The following GLIS3 variants were observed in gnomAD, a reference collection of about 807,000 sequenced individuals.
The protein encoded by GLIS3 is GLIS family zinc finger 3, also known as zinc finger protein GLIS3.
In GLIS3, 53 loss-of-function variants were observed where a neutral mutation model predicts 78.6. The observed-to-expected ratio is 0.67, with a 90% CI of 0.54 to 0.85. The LOEUF (loss-of-function observed/expected upper bound fraction) is 0.85, where lower values mean the gene tolerates loss of function less well. GLIS3 is among the 40% of genes least tolerant of loss of function. GLIS3 has a pLI of 0.00. For synonymous variants in GLIS3, 684 were observed against 509.9 expected, an observed-to-expected ratio of 1.34 and a Z score of -4.60; for missense variants, 1,703 against 1,231.1, an observed-to-expected ratio of 1.38 and a Z score of -5.74.
At chr9:3,979,122 C>G (rs1167558053) in intron 4 of GLIS3, among the ~76,000 whole-genome samples, 1 of 152,120 alleles carries the variant, frequency 6.6e-6, no homozygotes, top group Non-Finnish European at 1.5e-5. Context: ...TATCACTGTT[C>G]TAATGGGTAG....
chr9:4,330,313 G>A (rs748329819), intron 2 of GLIS3, among the ~76,000 whole-genome samples: 5 of 152,238 alleles, frequency 3.3e-5, no homozygotes, highest in East Asian at 3.8e-4. Context: ...ACAGATTGCT[G>A]GTACCCATCC....
At chr9:4,302,116 C>G (rs1452821942), upstream of GLIS3, among the ~76,000 whole-genome samples, 2 of 151,950 alleles carry the variant, frequency 1.3e-5, no homozygotes, top group African/African-American at 4.8e-5. Flanking sequence ...AGATCTGTAC[C>G]TCTTCTGGGC....
At chr9:4,028,019 G>C (rs1353359568) in intron 4 of GLIS3, among the ~76,000 whole-genome samples, 1 of 152,060 alleles carries the variant, frequency 6.6e-6, no homozygotes, top group Non-Finnish European at 1.5e-5. Flanking sequence ...CCAAACCAGC[G>C]CAACCCGGAT....
the GLIS3 span, among the ~76,000 whole-genome samples, chr9:4,401,541 G>A: frequency 2.7e-5 from 4 of 150,890 alleles, no homozygotes; most frequent in Non-Finnish European, 2.9e-5. Flanking sequence ...TTGAATTACC[G>A]GTGTGAGCCA....
intron 4 of GLIS3, among the ~76,000 whole-genome samples, chr9:4,026,668 C>G (rs1021033220): frequency 6.6e-6 from 1 of 152,154 alleles, no homozygotes; most frequent in African/African-American, 2.4e-5. Context: ...CTAAACCTAA[C>G]TAGTAGATAT....
At chr9:3,963,718 T>A (rs557864791) in intron 4 of GLIS3, among the ~76,000 whole-genome samples, 270 of 152,266 alleles carry the variant, frequency 1.8e-3, no homozygotes, top group Non-Finnish European at 2.6e-3. Flanking sequence ...AAGCACAGAT[T>A]GGGTTCATTG....
intron 7 of GLIS3, among the ~76,000 whole-genome samples, chr9:3,896,563 G>A (rs1370825142): frequency 2.7e-5 from 4 of 149,484 alleles, no homozygotes; most frequent in Non-Finnish European, 5.9e-5. Context: ...CTGCTAGGGA[G>A]GCTGAGGCAG....
At chr9:3,831,784 G>A (rs2129965996) in intron 9 of GLIS3, among the ~76,000 whole-genome samples, 1 of 152,186 alleles carries the variant, frequency 6.6e-6, no homozygotes, top group African/African-American at 2.4e-5. Context: ...TTTTAAATAG[G>A]TATTAAAACA....
At chr9:4,073,247 T>G (rs1000878265) in intron 4 of GLIS3, among the ~76,000 whole-genome samples, 1 of 152,206 alleles carries the variant, frequency 6.6e-6, no homozygotes, top group Non-Finnish European at 1.5e-5. Flanking sequence ...CATAGAGCAC[T>G]GACGGCAACA....
intron 4 of GLIS3, among the ~76,000 whole-genome samples, chr9:4,038,078 T>C (rs1157179669): frequency 6.6e-6 from 1 of 152,200 alleles, no homozygotes. Flanking sequence ...AGAACATCTT[T>C]CCCCTCTTCC....
chr9:4,234,582 A>G (rs1822548232), intron 2 of GLIS3, among the ~76,000 whole-genome samples: 1 of 152,238 alleles, frequency 6.6e-6, no homozygotes, highest in African/African-American at 2.4e-5. Context: ...TATTATAATA[A>G]CAACGGAAAA....
intron 8 of GLIS3, among the ~76,000 whole-genome samples, chr9:3,866,215 T>A (rs1466238170): frequency 6.6e-6 from 1 of 152,224 alleles, no homozygotes; most frequent in Non-Finnish European, 1.5e-5. Flanking sequence ...CAACCTGACA[T>A]AGTCTCTGTG....
At chr9:4,103,864 C>G (rs905995572) in intron 4 of GLIS3, among the ~76,000 whole-genome samples, 5 of 152,160 alleles carry the variant, frequency 3.3e-5, no homozygotes, top group Admixed American at 3.3e-4. Flanking sequence ...CTCTTCAATT[C>G]CACCTTGTTG....
chr9:4,301,753 G>A (rs1366106457), upstream of GLIS3, among the ~76,000 whole-genome samples: 3 of 152,108 alleles, frequency 2.0e-5, no homozygotes, highest in Non-Finnish European at 4.4e-5. Context: ...CCCAAATGAT[G>A]GGAACAGCTT....
chr9:4,045,230 G>A (rs919568642), intron 4 of GLIS3, among the ~76,000 whole-genome samples: 1 of 152,072 alleles, frequency 6.6e-6, no homozygotes, highest in African/African-American at 2.4e-5. Context: ...ACTTGAAGAC[G>A]GTCCCCTTGC....
chr9:4,270,325 C>T (rs550975148), intron 2 of GLIS3, among the ~76,000 whole-genome samples: 4 of 152,294 alleles, frequency 2.6e-5, no homozygotes, highest in African/African-American at 9.6e-5. Context: ...TTATCTATTG[C>T]TACATCAAAA....
chr9:3,938,814 T>C (rs988787870), intron 4 of GLIS3, among the ~76,000 whole-genome samples: 1 of 152,214 alleles, frequency 6.6e-6, no homozygotes, highest in Non-Finnish European at 1.5e-5. Context: ...GAAACGTCAC[T>C]AGAGGGAGAG....
At chr9:4,375,096 C>T in the GLIS3 span, among the ~76,000 whole-genome samples, 1 of 152,184 alleles carries the variant, frequency 6.6e-6, no homozygotes, top group Non-Finnish European at 1.5e-5. Flanking sequence ...CAAATCCTAT[C>T]TTATCCTGAC....
chr9:4,115,643 ACAATGTAG>A (rs1831581258), intron 4 of GLIS3, among the ~76,000 whole-genome samples: 1 of 152,130 alleles, frequency 6.6e-6, no homozygotes, highest in African/African-American at 2.4e-5. Context: ...CAAGCAGATG[ACAATGTAG>A]CAACCTAACA....
Sources: gnomAD v4.1 joint callset for allele counts (sites outside exome capture counted in the v4.1 genomes callset) on GRCh38, gnomAD v4.1.1 for gene constraint, MANE v1.5 for transcripts, NCBI Gene and HGNC (gene_info 2026-07-23, HGNC 2026-07-21) for gene names.